Variants in LAMB3 observed in about 807,000 individuals in gnomAD.
The protein encoded by LAMB3 is laminin subunit beta-3.
LAMB3 carries 104 observed loss-of-function variants against 140.3 expected under a neutral mutation model. The ratio of observed to expected loss-of-function variants is 0.74; its 90% CI spans 0.63 to 0.87. The LOEUF is 0.87. Ranked by LOEUF, LAMB3 falls within the 40% of genes least tolerant of loss-of-function variation. LAMB3 has a pLI of 0.00. For missense variants in LAMB3, 1,531 were observed against 1,575.2 expected (o/e 0.97, Z 0.47); for synonymous variants, 592 against 602.9 (o/e 0.98, Z 0.26).
chr1:209,626,561 C>G (rs1242471301), intron 13 of LAMB3, among the ~76,000 whole-genome samples: 1 of 152,254 alleles, frequency 6.6e-6, no homozygotes, highest in Non-Finnish European at 1.5e-5. Flanking sequence ...GAAGAAACAG[C>G]CTCCCCTCCT....
chr1:209,645,626 G>A (rs1025982376), intron 3 of LAMB3, among the ~76,000 whole-genome samples: 1 of 151,136 alleles, frequency 6.6e-6, no homozygotes, highest in Non-Finnish European at 1.5e-5. Flanking sequence ...TGAGGCAGGA[G>A]AATTACTTGA....
At position 209,623,383 on chromosome 1, in the gene LAMB3, G is replaced by C; in HGVS notation, c.2358+122C>G. 9.1e-7 allele frequency: 1 copy of C among 1,103,712 alleles called. No individual in the cohort carries two copies. The highest frequency in any genetic ancestry group is 1.9e-5 in the Admixed American group (1 of 53,194). 68.4% of individuals were successfully genotyped at this position (1,103,712 alleles called of 1,614,324 possible). A position where few individuals can be genotyped will look rare whatever the true frequency, so the allele number is the denominator to read the frequency against. Reference sequence around the variant, plus strand: ...CAGTGAGCAGTACAAGGGTCGGGATGGCTGGGGGAGTGGGGTTCTCACAGG... The same window carrying C: ...CAGTGAGCAGTACAAGGGTCGGGATCGCTGGGGGAGTGGGGTTCTCACAGG... On this transcript the variant is annotated intron_variant, in intron 16 of 22. Transcript: ENST00000356082. The surrounding 1 kb of genome is among the most constrained non-coding windows in gnomAD (Gnocchi z 4.2).
chr1:209,625,992 C>T lies in LAMB3; in HGVS notation c.1632G>A (p.Pro544=), dbSNP rs753960912. 6.3e-5 allele frequency: 102 copies of T among 1,613,254 alleles called. No homozygotes were observed. Among genetic ancestry groups the T allele is most frequent in the Middle Eastern group, 1.7e-4 (1 of 6,052 alleles). The change falls in exon 14 of 23, where the codon CCG becomes CCA. Residue 544 remains proline (P), a synonymous_variant. Transcript: ENST00000356082. ...CDCDFRGTEG[P]GCDKASGRCL... is the part of the protein sequence containing the mutation. Reference sequence around the variant, plus strand: ...AGCGGCCTGATGCCTTGTCGCAGCCCGGGCCCTCTGTTCCCCGGAAATCAC... The same window carrying T: ...AGCGGCCTGATGCCTTGTCGCAGCCTGGGCCCTCTGTTCCCCGGAAATCAC...
rs2076351 is a variant in LAMB3, at chr1:209,628,174, C to A, written c.1149G>T (p.Pro383=). 3 of 1,561,842 alleles carry A rather than the reference C, an allele frequency of 1.9e-6. No homozygotes were observed. Among genetic ancestry groups the A allele is most frequent in the East Asian group, 4.8e-5 (2 of 41,674 alleles). The change falls in exon 11 of 23, where the codon CCG becomes CCT. Residue 383 remains proline (P), a synonymous_variant. Transcript: ENST00000356082. ...AGGGAGCCCCTGGCACTGCCCCATCCGGATCACACTCGCAGGCTGAGAGAC... is the reference window on the plus strand; with the variant it reads ...AGGGAGCCCCTGGCACTGCCCCATCAGGATCACACTCGCAGGCTGAGAGAC... The part of the protein sequence containing the change: ...QETCISCECD[P]DGAVPGAPCD...
At chr1:209,649,662 C>T (rs1048122691) in intron 3 of LAMB3, among the ~76,000 whole-genome samples, 11 of 152,196 alleles carry the variant, frequency 7.2e-5, no homozygotes, top group Non-Finnish European at 1.6e-4. Flanking sequence ...TTTGCCTATT[C>T]CCAAGACTTG....
intron 3 of LAMB3, among the ~76,000 whole-genome samples, chr1:209,646,138 AG>A (rs2076515835): frequency 6.6e-6 from 1 of 152,226 alleles, no homozygotes; most frequent in Admixed American, 6.5e-5. Context: ...TAAAGCATTT[AG>A]GGGAGCAGAC....
rs370603352 is a variant in LAMB3, at chr1:209,651,571, G to A, written c.-37-590C>T. On this transcript the variant is annotated intron_variant, in intron 1 of 22. Coordinates refer to ENST00000356082, the MANE Select transcript of LAMB3 (RefSeq NM_000228.3). ...ATGCAACAGGGAGAGATGTATGGCT[G>A]TCTTTAACAAGTGAGTGAGGGTTTC... Among the ~76,000 whole-genome samples the A allele has an allele frequency of 3.9e-5, 6 of 152,310 alleles. No homozygotes were observed. In the East Asian group the frequency reaches 9.6e-4, roughly 24 times the overall value.
chr1:209,652,281 G>C (rs535089819), intron 1 of LAMB3, 88 bp downstream of exon 1: 2 of 152,448 alleles, frequency 1.3e-5, no homozygotes, highest in South Asian at 4.1e-4. Flanking sequence ...GAATAAATCA[G>C]GCCCTGAAAC....
chr1:209,637,908 C>A lies in LAMB3; in HGVS notation c.372G>T (p.Gln124His). ...CCACTGCCACCCCCAGGAGGCACACCTGGAACTCCATCATGACTTCTTGAA... is the reference window on the plus strand; with the variant it reads ...CCACTGCCACCCCCAGGAGGCACACATGGAACTCCATCATGACTTCTTGAA... Reference protein sequence around the residue: ...FQLQEVMMEFQGPMPAGMLIE... With the variant: ...FQLQEVMMEFHGPMPAGMLIE... Residue 124 changes from glutamine (Q) to histidine (H), a missense_variant and splice_region_variant, in exon 5 of 23, where the codon CAG (glutamine) becomes CAT (histidine). Physicochemically the swap from Gln to His is conservative, Grantham distance 24 (BLOSUM62 0). Coordinates refer to ENST00000356082, the MANE Select transcript of LAMB3 (RefSeq NM_000228.3). 6.2e-7 allele frequency: 1 copy of A among 1,612,006 alleles called. No individual in the cohort carries two copies. Among genetic ancestry groups the A allele is most frequent in the Non-Finnish European group, 8.5e-7 (1 of 1,179,088 alleles).
Position 209,632,588 on chromosome 1 carries a change from C to T in LAMB3, c.817G>A (p.Val273Met). Residue 273 changes from valine to methionine, a missense_variant, in exon 8 of 23, where the codon GTG (valine) becomes ATG (methionine). Transcript: ENST00000356082. ...TTCCCACCCTAGGCTGTTACCTGCA[C>T]AGCGGTGGAGGGGCCTGCAGAGGCC... ...PGASAGPSTA[V>M]QVHDVCVCQH... 6.2e-7 allele frequency: 1 copy of T among 1,613,886 alleles called. No individual in the cohort carries two copies. Among genetic ancestry groups the T allele is most frequent in the Non-Finnish European group, 8.5e-7 (1 of 1,179,796 alleles).
chr1:209,616,234 T>C (rs534358125), intron 22 of LAMB3, among the ~76,000 whole-genome samples: 1 of 152,282 alleles, frequency 6.6e-6, no homozygotes, highest in Admixed American at 6.5e-5. Context: ...CCCCACTGTT[T>C]GCAAAAACAG....
At chr1:209,643,591 AG>A (rs1373165067) in intron 3 of LAMB3, among the ~76,000 whole-genome samples, 1 of 152,228 alleles carries the variant, frequency 6.6e-6, no homozygotes, top group African/African-American at 2.4e-5. Flanking sequence ...AAGAGCCAGC[AG>A]GGGCCTGAAT....
At chr1:209,628,682 G>A (rs1290624052) in intron 10 of LAMB3, among the ~76,000 whole-genome samples, 2 of 151,958 alleles carry the variant, frequency 1.3e-5, no homozygotes, top group Admixed American at 1.3e-4. Context: ...GGCAACAAGA[G>A]CGAAACCATC....
intron 3 of LAMB3, among the ~76,000 whole-genome samples, chr1:209,645,018 G>C (rs750362224): frequency 6.6e-6 from 1 of 152,092 alleles, no homozygotes; most frequent in Non-Finnish European, 1.5e-5. Context: ...GTTTGTCTTC[G>C]GGCCTTCCCA....
intron 3 of LAMB3, 81 bp downstream of exon 3, chr1:209,649,883 T>C: frequency 6.7e-7 from 1 of 1,502,336 alleles, no homozygotes; most frequent in Non-Finnish European, 9.3e-7. Flanking sequence ...ACCAAGTACA[T>C]TCTAAGTATT....
intron 14 of LAMB3, among the ~76,000 whole-genome samples, chr1:209,624,707 G>C (rs1338613328): frequency 1.3e-5 from 2 of 152,156 alleles, no homozygotes; most frequent in African/African-American, 4.8e-5. Context: ...AGCCTGCCAT[G>C]ACACATTATA....
chr1:209,637,626 G>A (rs750053322), intron 5 of LAMB3, among the ~76,000 whole-genome samples: 2 of 152,144 alleles, frequency 1.3e-5, no homozygotes, highest in Non-Finnish European at 2.9e-5. Context: ...ACAAGCAACC[G>A]GGCCCAGTAG....
At chr1:209,629,441 AACAGTGTGTGTG>A (rs1360774235) in intron 10 of LAMB3, among the ~76,000 whole-genome samples, 2 of 152,320 alleles carry the variant, frequency 1.3e-5, no homozygotes, top group African/African-American at 4.8e-5. Flanking sequence ...TATATTGCCA[AACAGTGTGTGTG>A]TTCCCTGATG....
At chr1:209,624,705 A>G (rs569338463) in intron 14 of LAMB3, among the ~76,000 whole-genome samples, 1 of 152,298 alleles carries the variant, frequency 6.6e-6, no homozygotes, top group African/African-American at 2.4e-5. Context: ...GAAGCCTGCC[A>G]TGACACATTA....
Sources: allele counts gnomAD v4.1 joint callset (sites outside exome capture counted in the v4.1 genomes callset), GRCh38; gene constraint gnomAD v4.1.1; non-coding constraint Gnocchi (gnomAD v3.1); transcripts MANE v1.5; gene names NCBI Gene and HGNC (gene_info 2026-07-23, HGNC 2026-07-21).